The following GPR176 variants were observed in gnomAD, a reference collection of about 807,000 sequenced individuals.
GPR176 encodes G-protein coupled receptor 176.
In GPR176, 26 loss-of-function variants were observed where a neutral mutation model predicts 35.4. The observed-to-expected ratio is 0.74, with a 90% CI of 0.54 to 1.02. The LOEUF is 1.02. Ranked by LOEUF, GPR176 falls within the 50% of genes least tolerant of loss-of-function variation. GPR176 has a pLI of 0.00. For missense variants in GPR176, 597 were observed against 665.3 expected (o/e 0.90, Z 1.13); for synonymous variants, 278 against 271.3 (o/e 1.02, Z -0.24).
At chr15:39,827,827 A>C (rs1900781661) in intron 1 of GPR176, among the ~76,000 whole-genome samples, 1 of 152,250 alleles carries the variant, frequency 6.6e-6, no homozygotes, top group African/African-American at 2.4e-5. Flanking sequence ...CAAATAAAAG[A>C]ATCAATGTAT....
Position 39,874,916 on chromosome 15 carries a change from G to A in GPR176, c.172+44939C>T, listed in dbSNP as rs275722. Among the ~76,000 whole-genome samples, 601 of 152,282 alleles carry A rather than the reference G, an allele frequency of 3.9e-3. 6 individuals carry two copies. The highest frequency in any genetic ancestry group is 0.013 in the African/African-American group (554 of 41,550). On this transcript the variant is annotated intron_variant, in intron 1 of 2. Coordinates refer to ENST00000561100, the MANE Select transcript of GPR176 (RefSeq NM_007223.3). ...AAATTAGCTGGGCATGATGGCGCAC[G>A]CCTGTAATCCCAGCTACTTGGGAGG...
At chr15:39,803,147 T>A (rs1898990228) in intron 2 of GPR176, among the ~76,000 whole-genome samples, 1 of 152,172 alleles carries the variant, frequency 6.6e-6, no homozygotes, top group South Asian at 2.1e-4. Context: ...TATGGTCAGT[T>A]TCTTCACATT....
intron 1 of GPR176, among the ~76,000 whole-genome samples, chr15:39,869,662 A>G: frequency 6.6e-6 from 1 of 151,514 alleles, no homozygotes; most frequent in East Asian, 1.9e-4. Flanking sequence ...TCAATTATTT[A>G]TTATTTTATT....
chr15:39,877,851 C>G (rs570251641), intron 1 of GPR176, among the ~76,000 whole-genome samples: 1 of 152,038 alleles, frequency 6.6e-6, no homozygotes, highest in Admixed American at 6.6e-5. Context: ...AGTGAGCCAC[C>G]GCACCCTGCC....
At chr15:39,807,870 AC>A (rs1899301246) in intron 1 of GPR176, among the ~76,000 whole-genome samples, 1 of 152,224 alleles carries the variant, frequency 6.6e-6, no homozygotes, top group African/African-American at 2.4e-5. Flanking sequence ...CTCAGTTTGC[AC>A]TAGTCACCTT....
At chr15:39,886,303 G>A (rs41487846) in intron 1 of GPR176, among the ~76,000 whole-genome samples, 35,626 of 151,942 alleles carry the variant, frequency 0.23, 4,686 homozygotes, top group Non-Finnish European at 0.31. Flanking sequence ...ACTCAGCAGA[G>A]AATTTTACAG....
At chr15:39,802,309 G>C (rs1022878988) in intron 2 of GPR176, 55 bp from the exon 3 acceptor site, 4 of 1,374,972 alleles carry the variant, frequency 2.9e-6, no homozygotes, top group Non-Finnish European at 4.0e-6. Context: ...TAAATTAGGG[G>C]AACCTAAATC....
At chr15:39,866,948 A>C (rs140791063) in intron 1 of GPR176, among the ~76,000 whole-genome samples, 141 of 152,318 alleles carry the variant, frequency 9.3e-4, no homozygotes, top group African/African-American at 3.2e-3. Flanking sequence ...AAGAGGGTAC[A>C]GCAGGATCAA....
At chr15:39,835,912 T>A (rs570703248) in intron 1 of GPR176, among the ~76,000 whole-genome samples, 1 of 152,068 alleles carries the variant, frequency 6.6e-6, no homozygotes, top group Non-Finnish European at 1.5e-5. Context: ...CTGGTCAACA[T>A]GGCAAAACCC....
At chr15:39,902,738 A>G (rs1299967700) in intron 1 of GPR176, among the ~76,000 whole-genome samples, 1 of 152,230 alleles carries the variant, frequency 6.6e-6, no homozygotes, top group East Asian at 1.9e-4. Context: ...GCAGCCTCTG[A>G]AAGTGTTTCT....
At chr15:39,875,156 G>A (rs1410824715) in intron 1 of GPR176, among the ~76,000 whole-genome samples, 1 of 152,186 alleles carries the variant, frequency 6.6e-6, no homozygotes, top group Non-Finnish European at 1.5e-5. Flanking sequence ...CCATCTGTTG[G>A]TGCCAGGCAG....
chr15:39,917,082 G>A (rs111966319), intron 1 of GPR176, among the ~76,000 whole-genome samples: 2,862 of 152,176 alleles, frequency 0.019, 102 homozygotes, highest in African/African-American at 0.066. Context: ...AGGAGTTGGA[G>A]ACCAGCCTGA....
At position 39,813,881 on chromosome 15, in the gene GPR176, T is replaced by C. The variant is rs370933106; in HGVS notation, c.173-6623A>G. Among the ~76,000 whole-genome samples the C allele has an allele frequency of 1.6e-4, 25 of 152,272 alleles. No homozygotes were observed. In the East Asian group the frequency reaches 1.7e-3, roughly 11 times the overall value. On this transcript the variant is annotated intron_variant, in intron 1 of 2. Transcript: ENST00000561100. ...TATAATCTTTGGGAATTGAACTGAA[T>C]ATTTACTGAGGATAAATTACTAGAA...
chr15:39,890,907 A>G (rs1826313), intron 1 of GPR176, among the ~76,000 whole-genome samples: 68 of 152,336 alleles, frequency 4.5e-4, no homozygotes, highest in African/African-American at 1.5e-3. Flanking sequence ...ACCCTGGTAT[A>G]TATCCCTTCA....
intron 1 of GPR176, 98 bp from the exon 2 acceptor site, chr15:39,807,356 G>A: frequency 1.2e-6 from 1 of 829,582 alleles, no homozygotes; most frequent in South Asian, 2.9e-5. Flanking sequence ...AAACACATTT[G>A]AGAGTTGATT....
intron 1 of GPR176, among the ~76,000 whole-genome samples, chr15:39,834,652 C>A (rs1440017046): frequency 1.3e-5 from 2 of 152,122 alleles, no homozygotes; most frequent in Non-Finnish European, 2.9e-5. Context: ...GACTGGAAGT[C>A]ATTATGTTAA....
chr15:39,897,599 A>ATTTTTTTTTTTTTT (rs386382791), intron 1 of GPR176, among the ~76,000 whole-genome samples: 6 of 88,524 alleles, frequency 6.8e-5, no homozygotes, highest in South Asian at 4.0e-4. Flanking sequence ...ACATCCAAAT[A>ATTTTTTTTTTTTTT]TTTTTTTTTT....
intron 1 of GPR176, among the ~76,000 whole-genome samples, chr15:39,808,154 G>A (rs1292152037): frequency 6.6e-6 from 1 of 152,104 alleles, no homozygotes; most frequent in Non-Finnish European, 1.5e-5. Context: ...ACCCATTCTG[G>A]TAATTTTCCA....
chr15:39,914,336 A>T (rs1294584969), intron 1 of GPR176, among the ~76,000 whole-genome samples: 12 of 117,534 alleles, frequency 1.0e-4, no homozygotes, highest in Admixed American at 1.0e-4. Flanking sequence ...TTTTTTGAGA[A>T]GGAGTCTCAC....
Sources: allele counts gnomAD v4.1 joint callset (sites outside exome capture counted in the v4.1 genomes callset), GRCh38; gene constraint gnomAD v4.1.1; transcripts MANE v1.5; gene names NCBI Gene and HGNC (gene_info 2026-07-23, HGNC 2026-07-21).